Variants in TGFB1 observed in about 807,000 individuals in gnomAD.
TGFB1 encodes the protein transforming growth factor beta 1, also known as transforming growth factor beta-1 proprotein.
In TGFB1, 19 loss-of-function variants were observed where a neutral mutation model predicts 43.8. The observed-to-expected ratio is 0.43, with a 90% confidence interval of 0.30 to 0.64. The LOEUF (loss-of-function observed/expected upper bound fraction) is 0.64. Among genes scored for constraint, TGFB1 ranks in the 30% least tolerant of loss-of-function variants. TGFB1 has a pLI of 0.11. For synonymous variants in TGFB1, 221 were observed against 236.3 expected (o/e 0.94, Z 0.60); for missense variants, 445 against 529.8 (o/e 0.84, Z 1.57).
Position 41,344,756 on chromosome 19 carries a change from T to G in TGFB1, c.625A>C (p.Ser209Arg), listed in dbSNP as rs746228911. Residue 209 changes from serine to arginine, a missense_variant, in exon 3 of 7, where the codon AGC becomes CGC. This residue lies in a region of TGFB1 where 366 missense variants were observed against 428.8 expected (regional missense o/e 0.85). Transcript: ENST00000221930. ...CACAAGTAATCCTCACCTCCACGGCTCAACCACTGCCGCACAACTCCGGTG... is the reference window on the plus strand; with the variant it reads ...CACAAGTAATCCTCACCTCCACGGCGCAACCACTGCCGCACAACTCCGGTG... ...DVTGVVRQWL[S>R]RGGEIEGFRL... The G allele has an allele frequency of 2.5e-6, 4 of 1,613,790 alleles. No individual in the cohort carries two copies. The highest frequency in any genetic ancestry group is 1.3e-5 in the African/African-American group (1 of 74,898).
At chr19:41,339,716 C>G (rs985039505) in intron 5 of TGFB1, among the ~76,000 whole-genome samples, 4 of 152,210 alleles carry the variant, frequency 2.6e-5, no homozygotes, top group South Asian at 2.1e-4. Flanking sequence ...CCCAGCTACT[C>G]AGGAGGCTGA....
At chr19:41,348,748 C>T (rs865813923) in intron 1 of TGFB1, among the ~76,000 whole-genome samples, 2 of 151,910 alleles carry the variant, frequency 1.3e-5, no homozygotes, top group South Asian at 4.2e-4. Flanking sequence ...CTCAGCCTCC[C>T]GAGCAGCTGG....
intron 3 of TGFB1, among the ~76,000 whole-genome samples, chr19:41,342,469 C>T (rs1357408776): frequency 6.7e-6 from 1 of 149,972 alleles, no homozygotes; most frequent in East Asian, 1.9e-4. Context: ...CCCATCTCAG[C>T]CTCCCGAGTA....
At chr19:41,340,124 C>G (rs1037007442) in intron 5 of TGFB1, among the ~76,000 whole-genome samples, 1 of 152,078 alleles carries the variant, frequency 6.6e-6, no homozygotes, top group African/African-American at 2.4e-5. Context: ...ATCTTCAACT[C>G]TCTAGGATTC....
At chr19:41,345,893 C>T (rs946617116) in intron 2 of TGFB1, among the ~76,000 whole-genome samples, 82 of 151,100 alleles carry the variant, frequency 5.4e-4, no homozygotes, top group African/African-American at 1.9e-3. Context: ...CAGAGTGAGA[C>T]TCTGTCTCAA....
Position 41,330,983 on chromosome 19 carries a change from GGGCAA to G in TGFB1, c.*64_*68del, listed in dbSNP as rs2037922097. On this transcript the variant is annotated 3_prime_UTR_variant, in exon 7 of 7. Coordinates refer to ENST00000221930, the MANE Select transcript of TGFB1 (RefSeq NM_000660.7). Reference sequence around the variant, plus strand: ...GGGTGTCCTTAAATACAGCCCCCATGGGCAAGGCAGCGGGGGCGGGGCGGGGTGGG... The same window carrying G: ...GGGTGTCCTTAAATACAGCCCCCATGGGCAGCGGGGGCGGGGCGGGGTGGG... 7.3e-7 allele frequency: 1 copy of G among 1,379,140 alleles called. No individual in the cohort carries two copies. 85.4% of individuals were successfully genotyped at this position (1,379,140 alleles called of 1,614,324 possible). A position where few individuals can be genotyped will look rare whatever the true frequency, so the allele number is the denominator to read the frequency against.
intron 5 of TGFB1, among the ~76,000 whole-genome samples, chr19:41,338,831 T>C (rs2038020130): frequency 2.0e-5 from 3 of 148,720 alleles, no homozygotes; most frequent in Non-Finnish European, 4.4e-5. Context: ...AGAGACTCTG[T>C]CTCCAAAAAA....
intron 5 of TGFB1, among the ~76,000 whole-genome samples, chr19:41,334,367 C>T (rs965346374): frequency 4.7e-5 from 7 of 150,396 alleles, no homozygotes; most frequent in Non-Finnish European, 8.8e-5. Flanking sequence ...CAGGGTGAGA[C>T]TCTGTCTTGA....
intron 1 of TGFB1, among the ~76,000 whole-genome samples, chr19:41,351,804 T>TCGCTGCTC (rs2038200118): frequency 6.6e-6 from 1 of 151,414 alleles, no homozygotes; most frequent in Admixed American, 6.6e-5. Context: ...CTGCGGGGAA[T>TCGCTGCTC]GCAGCGTGGA....
At chr19:41,346,523 G>A (rs942432751) in intron 2 of TGFB1, among the ~76,000 whole-genome samples, 1 of 152,136 alleles carries the variant, frequency 6.6e-6, no homozygotes, top group African/African-American at 2.4e-5. Context: ...CCTCTGATAT[G>A]GATTCTAGCT....
At chr19:41,339,150 A>G (rs543841732) in intron 5 of TGFB1, among the ~76,000 whole-genome samples, 8 of 149,904 alleles carry the variant, frequency 5.3e-5, no homozygotes, top group African/African-American at 2.0e-4. Context: ...TCCTGAGACA[A>G]GGTCCTGCTC....
chr19:41,346,915 G>A (rs1326226339), intron 2 of TGFB1, among the ~76,000 whole-genome samples: 3 of 152,090 alleles, frequency 2.0e-5, no homozygotes, highest in East Asian at 3.9e-4. Context: ...TAGTAGAGAT[G>A]GAGTTTCGTC....
rs148552731 is a variant in TGFB1 at position 41,342,025 on chromosome 19, T to G, written c.718A>C (p.Thr240Pro). ...NTLQVDINGF[T>P]TGRRGDLATI... is the part of the protein sequence containing the mutation. ...GCCAGGTCACCTCGGCGGCCGGTAG[T>G]GAACCCTGCTTTGGTGTGGGAGTCA... The change falls in exon 5 of 7, where the codon ACT becomes CCT. Residue 240 changes from threonine to proline, a missense_variant. Physicochemically the swap from Thr to Pro is conservative, Grantham distance 38. This residue lies in a region of TGFB1 where 366 missense variants were observed against 428.8 expected (regional missense o/e 0.85). Transcript: ENST00000221930. 2.6e-5 allele frequency: 42 copies of G among 1,613,998 alleles called. No homozygotes were observed. The highest frequency in any genetic ancestry group is 3.3e-5 in the Admixed American group (2 of 59,986).
In TGFB1 at chr19:41,344,811, G is replaced by C. The variant is rs779809888; in HGVS notation, c.570C>G (p.Ser190Arg). 4.3e-6 allele frequency: 7 copies of C among 1,612,014 alleles called. No individual in the cohort carries two copies. Among genetic ancestry groups the C allele is most frequent in the Non-Finnish European group, 5.9e-6 (7 of 1,179,084 alleles). ...CAAAAGATAACCACTCTGGCGAGTC[G>C]CTGGGTGCCAGCAGCCGGTTGCTGA... is the stretch of plus-strand genomic sequence containing the variant. ...RYLSNRLLAP[S>R]DSPEWLSFDV... The change falls in exon 3 of 7, where the codon AGC becomes AGG. Residue 190 changes from serine to arginine, a missense_variant. By Grantham distance (110) the Ser-to-Arg change is moderately radical. Coordinates refer to ENST00000221930, the MANE Select transcript of TGFB1 (RefSeq NM_000660.7).
chr19:41,339,595 C>T (rs80301152), intron 5 of TGFB1, among the ~76,000 whole-genome samples: 24 of 151,930 alleles, frequency 1.6e-4, no homozygotes, highest in Admixed American at 3.9e-4. Context: ...GAGGCCGAGG[C>T]GGGTGGATCA....
rs760265490 is a variant in TGFB1, at chr19:41,342,200, T to C, written c.682A>G (p.Arg228Gly). The change falls in exon 4 of 7, where the codon AGG becomes GGG. Residue 228 changes from arginine (R) to glycine (G), a missense_variant. Physicochemically the swap from Arg to Gly is moderately radical, Grantham distance 125. This residue lies in a region of TGFB1 where 366 missense variants were observed against 428.8 expected (regional missense o/e 0.85). Coordinates refer to ENST00000221930, the MANE Select transcript of TGFB1 (RefSeq NM_000660.7). Reference protein sequence around the residue: ...RLSAHCSCDSRDNTLQVDING... With the variant: ...RLSAHCSCDSGDNTLQVDING... ...ATGTCCACTTGCAGTGTGTTATCCC[T>C]GCTGTCACAGGAGCAGTGGGCGCTA... 32 of 1,608,394 alleles carry C rather than the reference T, an allele frequency of 2.0e-5. No individual in the cohort carries two copies. The South Asian group carries it at 3.4e-4, about 17-fold the overall frequency.
rs1247798245 is a variant in TGFB1, at chr19:41,353,780, G to C, written c.-736C>G. The C allele has an allele frequency of 2.0e-5, 3 of 152,322 alleles. No homozygotes were observed. Among genetic ancestry groups the C allele is most frequent in the Non-Finnish European group, 4.4e-5 (3 of 68,244 alleles). 9.4% of individuals were successfully genotyped at this position (152,322 alleles called of 1,614,324 possible). ...ACTCCTTCCTCCGCTCCGGGCCGAG[G>C]CCGGCCCCGCGGGCGGCTCAGAGCC... On this transcript the variant is annotated 5_prime_UTR_variant, in exon 1 of 7. Transcript: ENST00000221930. This position sits in a 1 kb window ranked among gnomAD's most constrained non-coding sequence, Gnocchi z 5.9.
rs527796994 is a variant in TGFB1 at position 41,334,232 on chromosome 19, G to T, written c.861-1951C>A. Among the ~76,000 whole-genome samples the T allele has an allele frequency of 8.7e-4, 133 of 152,028 alleles. 1 individual carries two copies. The highest frequency in any genetic ancestry group is 3.1e-3 in the African/African-American group (128 of 41,504). On this transcript the variant is annotated intron_variant, in intron 5 of 6. Transcript: ENST00000221930. ...TCTACTAAAAATACAAAAATTAGCT[G>T]GGTGTGGCGGTGCTTGTCTGTAATC...
At chr19:41,352,169 T>C (rs1431711283) in intron 1 of TGFB1, among the ~76,000 whole-genome samples, 2 of 151,884 alleles carry the variant, frequency 1.3e-5, no homozygotes, top group Non-Finnish European at 2.9e-5. Context: ...CCGCTCTCAC[T>C]TTCCTGGCAC....
Sources: allele counts gnomAD v4.1 joint callset (sites outside exome capture counted in the v4.1 genomes callset), GRCh38; gene constraint gnomAD v4.1.1; regional missense constraint gnomAD v4.1.1; non-coding constraint Gnocchi (gnomAD v3.1); transcripts MANE v1.5; gene names NCBI Gene and HGNC (gene_info 2026-07-23, HGNC 2026-07-21).